EWSR1: variants seen among roughly 807,000 people sequenced by gnomAD.
The protein encoded by EWSR1 is EWS RNA binding protein 1, also known as RNA-binding protein EWS.
A neutral mutation model predicts 92.1 loss-of-function variants in EWSR1; 14 were observed. That is an observed-to-expected ratio of 0.15 (90% confidence interval 0.10 to 0.24). The LOEUF is 0.24. Ranked by LOEUF, EWSR1 falls within the 10% of genes least tolerant of loss-of-function variation. The pLI, the probability that EWSR1 is intolerant of heterozygous loss-of-function variation, is 1.00. For missense variants in EWSR1, 637 were observed against 870.9 expected, an observed-to-expected ratio of 0.73 and a Z score of 3.38; for synonymous variants, 303 against 292.9, an observed-to-expected ratio of 1.03 and a Z score of -0.35.
At chr22:29,289,394 G>A (rs754807370) in intron 8 of EWSR1, 1 of 231,138 alleles carries the variant, frequency 4.3e-6, no homozygotes, top group Admixed American at 5.7e-5. Flanking sequence ...TACTGGAGAT[G>A]TTGAAAGTCT....
chr22:29,289,438 T>C (rs578131910), intron 8 of EWSR1: 213 of 232,088 alleles, frequency 9.2e-4, no homozygotes, highest in African/African-American at 4.3e-3. Context: ...GATGGCACAA[T>C]CTGGTTTAGA....
intron 1 of EWSR1, among the ~76,000 whole-genome samples, chr22:29,269,982 C>T (rs1404699536): frequency 6.6e-6 from 1 of 152,168 alleles, no homozygotes; most frequent in East Asian, 1.9e-4. Context: ...CTGGGGGGGC[C>T]TTCAGAGAGT....
At chr22:29,275,444 T>C (rs772819719) in intron 4 of EWSR1, among the ~76,000 whole-genome samples, 7 of 152,202 alleles carry the variant, frequency 4.6e-5, no homozygotes, top group Non-Finnish European at 1.0e-4. Flanking sequence ...CTAGTAGCTT[T>C]GATGAGCTGG....
chr22:29,297,743 C>G, intron 12 of EWSR1, 84 bp from the exon 13 acceptor site: 1 of 1,557,662 alleles, frequency 6.4e-7, no homozygotes. Flanking sequence ...CCTAATGCAT[C>G]TGGGAGTGGT....
intron 5 of EWSR1, among the ~76,000 whole-genome samples, chr22:29,278,503 A>G (rs1327441924): frequency 7.1e-3 from 3 of 424 alleles, no homozygotes; most frequent in Non-Finnish European, 0.012. Flanking sequence ...CCTGGCCAAC[A>G]TGGGTGAAAC....
intron 14 of EWSR1, 63 bp from the exon 15 acceptor site, chr22:29,299,171 C>A (rs1202820140): frequency 6.2e-7 from 1 of 1,613,582 alleles, no homozygotes; most frequent in Admixed American, 1.7e-5. Context: ...TCACACACCA[C>A]CTTTCCTTGT....
At chr22:29,289,021 T>G (rs1439171631) in intron 8 of EWSR1, 1 of 446,272 alleles carries the variant, frequency 2.2e-6, no homozygotes, top group East Asian at 3.7e-5. Flanking sequence ...CAAAGAATGG[T>G]TTTGAAACCA....
intron 8 of EWSR1, chr22:29,290,027 A>AT (rs1267750306): frequency 4.2e-6 from 1 of 235,466 alleles, no homozygotes; most frequent in Non-Finnish European, 8.3e-6. Context: ...AATTCCTAGT[A>AT]TTTTTAAATT....
chr22:29,299,480 T>C, intron 15 of EWSR1, 119 bp from the exon 16 acceptor site: 2 of 1,488,374 alleles, frequency 1.3e-6, no homozygotes, highest in Non-Finnish European at 1.8e-6. Context: ...GATGCCGAGA[T>C]TGAGTGAAGT....
chr22:29,288,737 C>G lies in EWSR1; in HGVS notation c.925C>G (p.Arg309Gly). The G allele has an allele frequency of 6.2e-7, 1 of 1,613,580 alleles. No homozygotes were observed. Among genetic ancestry groups the G allele is most frequent in the Non-Finnish European group, 8.5e-7 (1 of 1,179,742 alleles). The change falls in exon 8 of 17, where the codon CGT (arginine) becomes GGT (glycine). Residue 309 changes from arginine to glycine, a missense_variant. Arg to Gly is a moderately radical substitution (Grantham distance 125, BLOSUM62 -2). Transcript: ENST00000397938. The part of the protein sequence containing the change: ...NRGRGRGGFD[R>G]GGMSRGGRGG... ...GGGCAGGGGAAGAGGGGGATTTGAT[C>G]GTGGAGGCATGAGCAGAGGTGGGCG...
At chr22:29,284,274 A>T (rs1427716269) in intron 6 of EWSR1, among the ~76,000 whole-genome samples, 1 of 151,476 alleles carries the variant, frequency 6.6e-6, no homozygotes, top group Non-Finnish European at 1.5e-5. Context: ...CACCATGCCC[A>T]GCCTGCAAGT....
Position 29,299,852 on chromosome 22 carries a change from G to GT in EWSR1, c.1931+2dup. ...GTGGAGGACCTGGAAAAATGGATAA[G>GT]TAAGTGCTGGTGAAAAGCAGCTGTG... On this transcript the variant is annotated splice_donor_variant, in intron 16 of 16. Transcript: ENST00000397938. LOFTEE classifies it high-confidence loss of function. The GT allele has an allele frequency of 6.5e-7, 1 of 1,541,534 alleles. No homozygotes were observed. Among genetic ancestry groups the GT allele is most frequent in the Non-Finnish European group, 8.8e-7 (1 of 1,142,536 alleles).
chr22:29,277,763 A>T, intron 4 of EWSR1: 1 of 420,684 alleles, frequency 2.4e-6, no homozygotes, highest in Non-Finnish European at 4.3e-6. Context: ...GGCAGAAGGA[A>T]CCCTGTTTTC....
chr22:29,289,495 C>T (rs978760459), intron 8 of EWSR1: 7 of 232,766 alleles, frequency 3.0e-5, no homozygotes, highest in Middle Eastern at 9.5e-4. Flanking sequence ...TCTGCCTGCC[C>T]TTCCCCTCCC....
chr22:29,284,072 G>C (rs1440248163), intron 6 of EWSR1, among the ~76,000 whole-genome samples: 1 of 151,314 alleles, frequency 6.6e-6, no homozygotes, highest in African/African-American at 2.5e-5. Context: ...ATCCTCAGGT[G>C]ATCCGCCTGC....
intron 7 of EWSR1, 149 bp downstream of exon 7, chr22:29,287,283 A>C: frequency 1.3e-6 from 1 of 762,610 alleles, no homozygotes; most frequent in Non-Finnish European, 2.2e-6. Flanking sequence ...ATCTCAGCTC[A>C]CTGCAGCCTC....
At chr22:29,285,688 G>T (rs2059971082) in intron 6 of EWSR1, among the ~76,000 whole-genome samples, 1 of 151,178 alleles carries the variant, frequency 6.6e-6, no homozygotes, top group South Asian at 2.1e-4. Flanking sequence ...TGGCGGGCAG[G>T]CTTGGAACTG....
Position 29,299,824 on chromosome 22 carries a change from G to C in EWSR1, c.1904G>C (p.Gly635Ala). The change falls in exon 16 of 17, where the codon GGA becomes GCA. Residue 635 changes from glycine to alanine, a missense_variant. By Grantham distance (60) the Gly-to-Ala change is moderately conservative. This residue lies in a region of EWSR1 where 363 missense variants were observed against 447.8 expected (regional missense o/e 0.81). Transcript: ENST00000397938. The part of the protein sequence containing the change: ...LMEQMGGRRG[G>A]RGGPGKMDKG... Reference sequence around the variant, plus strand: ...GAACAGATGGGAGGAAGAAGAGGAGGACGTGGAGGACCTGGAAAAATGGAT... The same window carrying C: ...GAACAGATGGGAGGAAGAAGAGGAGCACGTGGAGGACCTGGAAAAATGGAT... 6.4e-7 allele frequency: 1 copy of C among 1,555,366 alleles called. No individual in the cohort carries two copies. The highest frequency in any genetic ancestry group is 8.7e-7 in the Non-Finnish European group (1 of 1,149,060).
intron 8 of EWSR1, 197 bp from the exon 9 acceptor site, chr22:29,291,365 A>C (rs898509636): frequency 8.8e-5 from 48 of 546,748 alleles, no homozygotes; most frequent in Non-Finnish European, 1.4e-4. Context: ...TGGTGTGTAC[A>C]ATCAGACAAG....
Sources: gnomAD v4.1 joint callset for allele counts (sites outside exome capture counted in the v4.1 genomes callset) on GRCh38, gnomAD v4.1.1 for gene constraint, gnomAD v4.1.1 regional missense constraint, MANE v1.5 for transcripts, NCBI Gene and HGNC (gene_info 2026-07-23, HGNC 2026-07-21) for gene names.